Variants in CRIM1 observed in about 807,000 individuals in gnomAD.
The protein encoded by CRIM1 is cysteine rich transmembrane BMP regulator 1, also known as cysteine-rich motor neuron 1 protein.
In CRIM1, 32 loss-of-function variants were observed where a neutral mutation model predicts 116.4. The ratio of observed to expected loss-of-function variants is 0.27; its 90% CI spans 0.21 to 0.37. The LOEUF (loss-of-function observed/expected upper bound fraction) is 0.37, where lower values mean the gene tolerates loss of function less well. Ranked by LOEUF, CRIM1 falls within the 10% of genes least tolerant of loss-of-function variation. CRIM1 has a pLI of 1.00. For missense variants in CRIM1, 1,331 were observed against 1,354.8 expected, an observed-to-expected ratio of 0.98 and a Z score of 0.28; for synonymous variants, 590 against 509.2, an observed-to-expected ratio of 1.16 and a Z score of -2.13.
At chr2:36,483,753 G>A (rs1375970549) in intron 7 of CRIM1, among the ~76,000 whole-genome samples, 1 of 152,192 alleles carries the variant, frequency 6.6e-6, no homozygotes, top group Non-Finnish European at 1.5e-5. Flanking sequence ...TGAGGACAGT[G>A]AGGAGGAAAG....
chr2:36,467,086 T>C (rs1011273711), intron 5 of CRIM1, among the ~76,000 whole-genome samples: 4 of 152,182 alleles, frequency 2.6e-5, no homozygotes, highest in African/African-American at 9.7e-5. Context: ...TTGCCACTTA[T>C]TATAGAGCCC....
At chr2:36,450,241 A>G (rs1377453528) in intron 4 of CRIM1, among the ~76,000 whole-genome samples, 1 of 152,166 alleles carries the variant, frequency 6.6e-6, no homozygotes, top group Non-Finnish European at 1.5e-5. Flanking sequence ...GTGCCCACAC[A>G]GGCTCACCTG....
intron 4 of CRIM1, among the ~76,000 whole-genome samples, chr2:36,453,895 C>T (rs1558602827): frequency 6.6e-6 from 1 of 152,124 alleles, no homozygotes; most frequent in African/African-American, 2.4e-5. Flanking sequence ...GCATTCTAGG[C>T]TGTTGTTGAT....
Position 36,418,734 on chromosome 2 carries a change from C to G in CRIM1, c.505+21947C>G, listed in dbSNP as rs1435244616. ...GAAATCACATCTATAGATCACCGCT[C>G]TGTTGGCAGGGTCAGATGACTGAGG... On this transcript the variant is annotated intron_variant, in intron 2 of 16. Coordinates refer to ENST00000280527, the MANE Select transcript of CRIM1 (RefSeq NM_016441.3). Among the ~76,000 whole-genome samples, 9 of 151,960 alleles carry G rather than the reference C, an allele frequency of 5.9e-5. No individual in the cohort carries two copies. In the East Asian group the frequency reaches 1.8e-3, roughly 30 times the overall value.
chr2:36,542,834 C>G (rs1667040087), intron 14 of CRIM1, among the ~76,000 whole-genome samples: 2 of 152,120 alleles, frequency 1.3e-5, no homozygotes, highest in African/African-American at 4.8e-5. Flanking sequence ...AAATACCATC[C>G]CCCTGCACAC....
intron 1 of CRIM1, among the ~76,000 whole-genome samples, chr2:36,370,276 C>T (rs1669862374): frequency 6.6e-6 from 1 of 150,594 alleles, no homozygotes; most frequent in African/African-American, 2.4e-5. Context: ...AATGTGACAG[C>T]AGAAAGAAGC....
chr2:36,538,464 C>G (rs557742354), intron 14 of CRIM1, among the ~76,000 whole-genome samples: 2 of 152,274 alleles, frequency 1.3e-5, no homozygotes, highest in African/African-American at 4.8e-5. Flanking sequence ...TGTTTTCTCG[C>G]AGCATTATAT....
chr2:36,468,653 G>T (rs532400599), intron 5 of CRIM1, among the ~76,000 whole-genome samples: 1 of 152,306 alleles, frequency 6.6e-6, no homozygotes, highest in East Asian at 1.9e-4. Flanking sequence ...CCCACTGTAT[G>T]TCTGCTCCTG....
At chr2:36,496,333 T>C (rs1680591791) in intron 7 of CRIM1, among the ~76,000 whole-genome samples, 1 of 152,196 alleles carries the variant, frequency 6.6e-6, no homozygotes, top group Non-Finnish European at 1.5e-5. Flanking sequence ...AATTGAATAG[T>C]TCTAATGTAA....
chr2:36,504,178 A>G (rs1355440818), intron 8 of CRIM1, among the ~76,000 whole-genome samples: 2 of 152,080 alleles, frequency 1.3e-5, no homozygotes, highest in Non-Finnish European at 2.9e-5. Flanking sequence ...CTGGCCCTTC[A>G]AGATTTCTTA....
At chr2:36,376,391 A>C (rs1483806617) in intron 1 of CRIM1, among the ~76,000 whole-genome samples, 5 of 152,192 alleles carry the variant, frequency 3.3e-5, no homozygotes, top group African/African-American at 7.2e-5. Context: ...AGAATGTTTA[A>C]ACAGTAGGCG....
rs10707574 is a variant in CRIM1, at chr2:36,550,234, ATTTTTTT to A, written c.*1545_*1551del. The A allele has an allele frequency of 7.6e-5, 10 of 132,194 alleles. No individual in the cohort carries two copies. Among genetic ancestry groups the A allele is most frequent in the Non-Finnish European group, 1.1e-4 (7 of 61,210 alleles). 8.2% of individuals were successfully genotyped at this position (132,194 alleles called of 1,614,324 possible). On this transcript the variant is annotated 3_prime_UTR_variant, in exon 17 of 17. Transcript: ENST00000280527. Reference sequence around the variant, plus strand: ...ATCTGCATCACTAATCAGCTCCTGGATTTTTTTTTTTTTTTTTTCAAACAATGGTTTG... The same window carrying A: ...ATCTGCATCACTAATCAGCTCCTGGATTTTTTTTTTTCAAACAATGGTTTG...
chr2:36,387,160 GTTAC>G (rs757750492), intron 1 of CRIM1, among the ~76,000 whole-genome samples: 7 of 152,160 alleles, frequency 4.6e-5, no homozygotes, highest in Non-Finnish European at 7.3e-5. Flanking sequence ...CTTGCTGGGT[GTTAC>G]TTACATTAAA....
chr2:36,473,393 C>T (rs1230445397), intron 5 of CRIM1, among the ~76,000 whole-genome samples: 1 of 152,118 alleles, frequency 6.6e-6, no homozygotes, highest in African/African-American at 2.4e-5. Context: ...AATTTACCAA[C>T]TTAAGTTGTG....
At chr2:36,457,130 T>A (rs1332716655) in intron 4 of CRIM1, among the ~76,000 whole-genome samples, 2 of 152,026 alleles carry the variant, frequency 1.3e-5, no homozygotes, top group Non-Finnish European at 2.9e-5. Flanking sequence ...AGGGAATATT[T>A]TATTTTATTT....
At chr2:36,414,301 A>G (rs554063744) in intron 2 of CRIM1, among the ~76,000 whole-genome samples, 1 of 152,366 alleles carries the variant, frequency 6.6e-6, no homozygotes, top group East Asian at 1.9e-4. Flanking sequence ...AATGACACAC[A>G]AAAGCTTGTT....
At chr2:36,460,869 A>T (rs1479139795) in intron 4 of CRIM1, among the ~76,000 whole-genome samples, 1 of 152,196 alleles carries the variant, frequency 6.6e-6, no homozygotes, top group Non-Finnish European at 1.5e-5. Flanking sequence ...TCAGAGAAGA[A>T]GCTGTTATCC....
intron 1 of CRIM1, among the ~76,000 whole-genome samples, chr2:36,387,186 G>A (rs1040649606): frequency 6.6e-6 from 1 of 152,170 alleles, no homozygotes; most frequent in Admixed American, 6.5e-5. Flanking sequence ...CACCTCTGTA[G>A]GAGGATAAAA....
chr2:36,431,461 C>T (rs972582812), intron 2 of CRIM1, among the ~76,000 whole-genome samples: 3 of 152,140 alleles, frequency 2.0e-5, no homozygotes, highest in African/African-American at 4.8e-5. Context: ...GATCAACACA[C>T]GATATTCTTT....
Sources: allele counts gnomAD v4.1 joint callset (sites outside exome capture counted in the v4.1 genomes callset), GRCh38; gene constraint gnomAD v4.1.1; transcripts MANE v1.5; gene names NCBI Gene and HGNC (gene_info 2026-07-23, HGNC 2026-07-21).